Variants in PPFIA2 observed in about 807,000 individuals in gnomAD.
PPFIA2 encodes the protein liprin-alpha-2.
Under a neutral mutation model 175.5 loss-of-function variants are expected in PPFIA2, and 46 were observed. That is an observed-to-expected ratio of 0.26 (90% CI 0.21 to 0.34). The LOEUF (loss-of-function observed/expected upper bound fraction) is 0.34. Ranked by LOEUF, PPFIA2 falls within the 10% of genes least tolerant of loss-of-function variation. PPFIA2 has a pLI of 1.00. For missense variants in PPFIA2, 1,179 were observed against 1,506.1 expected (o/e 0.78, Z 3.60); for synonymous variants, 568 against 511.4 (o/e 1.11, Z -1.49).
At position 81,284,247 on chromosome 12, in the gene PPFIA2, T is replaced by C; in HGVS notation, c.2982A>G (p.Ala994=). The change falls in exon 25 of 33, where the codon GCA becomes GCG. Residue 994 remains alanine, a synonymous_variant. Coordinates refer to ENST00000549396, the MANE Select transcript of PPFIA2 (RefSeq NM_003625.5). ...HEEMENLAAP[A]KTKESEEGSW... ...CAAAGCCATTAAGACTAACCGTTTT[T>C]GCTGGAGCTGCAAGATTTTCCATTT... 1 of 1,588,218 alleles carries C rather than the reference T, an allele frequency of 6.3e-7. No individual in the cohort carries two copies. The highest frequency in any genetic ancestry group is 8.6e-7 in the Non-Finnish European group (1 of 1,159,776).
intron 22 of PPFIA2, among the ~76,000 whole-genome samples, chr12:81,325,146 C>T (rs1352039261): frequency 6.6e-6 from 1 of 152,044 alleles, no homozygotes; most frequent in Non-Finnish European, 1.5e-5. Context: ...ATTTAAAGAA[C>T]ATGTCCTAAA....
intron 4 of PPFIA2, among the ~76,000 whole-genome samples, chr12:81,493,768 A>G (rs920914656): frequency 7.6e-6 from 1 of 132,408 alleles, no homozygotes; most frequent in East Asian, 2.2e-4. Flanking sequence ...ATATATATAT[A>G]TATATATATA....
At chr12:81,446,056 T>C (rs1041205385) in intron 5 of PPFIA2, among the ~76,000 whole-genome samples, 1 of 152,204 alleles carries the variant, frequency 6.6e-6, no homozygotes, top group Admixed American at 6.5e-5. Context: ...AGAACATTGC[T>C]TGATGCATCA....
chr12:81,432,619 C>T (rs888292969), intron 7 of PPFIA2, among the ~76,000 whole-genome samples: 20 of 151,938 alleles, frequency 1.3e-4, no homozygotes, highest in Non-Finnish European at 4.4e-5. Flanking sequence ...GCACGCACCA[C>T]CATGCCCAGA....
At chr12:81,715,992 A>G (rs2078566840) in intron 3 of PPFIA2, among the ~76,000 whole-genome samples, 1 of 151,284 alleles carries the variant, frequency 6.6e-6, no homozygotes, top group South Asian at 2.1e-4. Context: ...TTTCTGTAAC[A>G]AATATTTAAT....
chr12:81,409,348 A>T (rs1331294805), intron 7 of PPFIA2, among the ~76,000 whole-genome samples: 3 of 152,132 alleles, frequency 2.0e-5, no homozygotes, highest in Non-Finnish European at 2.9e-5. Flanking sequence ...TTGAAATGTA[A>T]TTGCCTTTGT....
chr12:81,382,263 A>T (rs2037893154), intron 9 of PPFIA2, among the ~76,000 whole-genome samples: 1 of 152,202 alleles, frequency 6.6e-6, no homozygotes, highest in Non-Finnish European at 1.5e-5. Flanking sequence ...ATGAGACAGT[A>T]GATGATCTCC....
chr12:81,274,388 G>C (rs1004099870), intron 28 of PPFIA2, among the ~76,000 whole-genome samples: 14 of 152,050 alleles, frequency 9.2e-5, no homozygotes, highest in African/African-American at 2.9e-4. Context: ...CTGCAAATAT[G>C]TGCCCATCAA....
chr12:81,405,060 C>G (rs12422759), intron 8 of PPFIA2, among the ~76,000 whole-genome samples: 24,818 of 152,068 alleles, frequency 0.16, 2,155 homozygotes, highest in Middle Eastern at 0.24. Context: ...TCTAGACCTA[C>G]CAATAACTTA....
intron 28 of PPFIA2, among the ~76,000 whole-genome samples, chr12:81,272,118 TTACTC>T (rs1174044794): frequency 1.3e-5 from 2 of 152,190 alleles, no homozygotes; most frequent in African/African-American, 4.8e-5. Flanking sequence ...ATTGTGGAGT[TTACTC>T]TGGCAGATTC....
intron 21 of PPFIA2, among the ~76,000 whole-genome samples, chr12:81,332,555 A>G (rs2056338204): frequency 6.6e-6 from 1 of 152,192 alleles, no homozygotes; most frequent in African/African-American, 2.4e-5. Context: ...ATCTTGTATT[A>G]GAAAAATTAT....
intron 4 of PPFIA2, among the ~76,000 whole-genome samples, chr12:81,556,088 C>T (rs1324259319): frequency 1.3e-5 from 2 of 151,908 alleles, no homozygotes; most frequent in Non-Finnish European, 2.9e-5. Flanking sequence ...AAACACTGGA[C>T]TGGGTGTTCC....
chr12:81,527,875 G>T (rs1034083786), intron 4 of PPFIA2, among the ~76,000 whole-genome samples: 1 of 152,056 alleles, frequency 6.6e-6, no homozygotes, highest in Non-Finnish European at 1.5e-5. Context: ...ATGAAAATCT[G>T]CTGGGCTTTC....
intron 4 of PPFIA2, chr12:81,535,538 A>G: frequency 2.2e-6 from 1 of 449,300 alleles, no homozygotes; most frequent in Non-Finnish European, 4.5e-6. Context: ...CTAACTCAAT[A>G]ACACAAAAAT....
intron 4 of PPFIA2, among the ~76,000 whole-genome samples, chr12:81,518,834 A>G (rs184967396): frequency 1.7e-3 from 262 of 152,284 alleles, no homozygotes; most frequent in African/African-American, 6.0e-3. Context: ...AGCTCAATAA[A>G]TATTTACTGA....
At chr12:81,530,763 A>C (rs11829299) in intron 4 of PPFIA2, among the ~76,000 whole-genome samples, 2,313 of 128,774 alleles carry the variant, frequency 0.018, 52 homozygotes, top group East Asian at 0.049. Flanking sequence ...AAAAAAAAAA[A>C]CACATTATAT....
At position 81,376,427 on chromosome 12, in the gene PPFIA2, A is replaced by G. The variant is rs1040005781; in HGVS notation, c.985-485T>C. On this transcript the variant is annotated intron_variant, in intron 9 of 32. Transcript: ENST00000549396. ...GTTAAAAGGCCAGGCCAAAAAAAAA[A>G]ATAGTACATTTGGATCTTATTTATA... Among the ~76,000 whole-genome samples the G allele has an allele frequency of 2.0e-5, 3 of 152,150 alleles. No individual in the cohort carries two copies. In the East Asian group the frequency reaches 5.8e-4, roughly 29 times the overall value.
chr12:81,346,118 T>C (rs1013278721), intron 18 of PPFIA2, among the ~76,000 whole-genome samples: 19 of 152,202 alleles, frequency 1.2e-4, no homozygotes, highest in Admixed American at 1.2e-3. Flanking sequence ...CTCAAAATTG[T>C]AAGTATGCCA....
chr12:81,460,390 C>T (rs2054316062), intron 4 of PPFIA2, among the ~76,000 whole-genome samples: 1 of 152,064 alleles, frequency 6.6e-6, no homozygotes, highest in African/African-American at 2.4e-5. Flanking sequence ...TCCATTAAAC[C>T]TCTTTTTCTT....
Sources: allele counts gnomAD v4.1 joint callset (sites outside exome capture counted in the v4.1 genomes callset), GRCh38; gene constraint gnomAD v4.1.1; transcripts MANE v1.5; gene names NCBI Gene and HGNC (gene_info 2026-07-23, HGNC 2026-07-21).